Variants in SLC45A4 observed in about 807,000 individuals in gnomAD.
SLC45A4 encodes the protein polyamine-transporter SLC45A4.
SLC45A4 carries 32 observed loss-of-function variants against 63.7 expected under a neutral mutation model. The ratio of observed to expected loss-of-function variants is 0.50; its 90% CI spans 0.38 to 0.67. The LOEUF (loss-of-function observed/expected upper bound fraction) is 0.67. Among genes scored for constraint, SLC45A4 ranks in the 30% least tolerant of loss-of-function variants. The pLI is 0.00. For missense variants in SLC45A4, 1,027 were observed against 1,157.7 expected, an observed-to-expected ratio of 0.89 and a Z score of 1.64; for synonymous variants, 535 against 510.0, an observed-to-expected ratio of 1.05 and a Z score of -0.66.
intron 1 of SLC45A4, among the ~76,000 whole-genome samples, chr8:141,276,308 A>G (rs889348670): frequency 3.3e-5 from 5 of 152,232 alleles, no homozygotes; most frequent in Non-Finnish European, 5.9e-5. Context: ...TATGACATTC[A>G]GGAGTGTTTT....
intron 2 of SLC45A4, among the ~76,000 whole-genome samples, chr8:141,250,308 T>C (rs1010009493): frequency 6.6e-6 from 1 of 152,202 alleles, no homozygotes; most frequent in Admixed American, 6.5e-5. Context: ...TTGAGTACAG[T>C]ATTCAATAAA....
At chr8:141,260,940 C>A (rs944978841) in intron 1 of SLC45A4, among the ~76,000 whole-genome samples, 3 of 152,174 alleles carry the variant, frequency 2.0e-5, no homozygotes, top group Admixed American at 6.5e-5. Context: ...AATTTTAGAC[C>A]AATATCCTTG....
In SLC45A4 at chr8:141,303,449, T is replaced by G. The variant is rs556511375; in HGVS notation, c.-401+4647A>C. ...GCCTCTGTGCCCAGCCTGAGTGATTTCCTAAAATTGTGCAATAAGGGTCAT... is the reference window on the plus strand; with the variant it reads ...GCCTCTGTGCCCAGCCTGAGTGATTGCCTAAAATTGTGCAATAAGGGTCAT... On this transcript the variant is annotated intron_variant, in intron 1 of 8. Transcript: ENST00000517878. 1.3e-4 allele frequency among the ~76,000 whole-genome samples: 20 copies of G among 152,098 alleles called. No homozygotes were observed. The South Asian group carries it at 3.1e-3, about 24-fold the overall frequency.
Position 141,252,411 on chromosome 8 carries a change from G to A in SLC45A4, c.241+1578C>T, listed in dbSNP as rs138591744. ...CCCACCTGCGCGTCTGTGAATTTCCGTGTTTTCACGCCCACCTGCGTGTCT... is the reference window on the plus strand; with the variant it reads ...CCCACCTGCGCGTCTGTGAATTTCCATGTTTTCACGCCCACCTGCGTGTCT... On this transcript the variant is annotated intron_variant, in intron 2 of 8. Coordinates refer to ENST00000517878, the MANE Select transcript of SLC45A4 (RefSeq NM_001286646.2). The A allele has an allele frequency of 4.8e-3, 763 of 160,156 alleles. 5 individuals carry two copies. The highest frequency in any genetic ancestry group is 0.017 in the African/African-American group (699 of 41,288). The allele number at this position is 160,156 out of a possible 1,614,324, so 9.9% of individuals were successfully genotyped here.
chr8:141,212,200 G>T lies in SLC45A4; in HGVS notation c.2298C>A (p.Ser766=). Residue 766 remains serine (S), a synonymous_variant, in exon 8 of 9, where the codon TCC becomes TCA. Transcript: ENST00000517878. ...TAAACGGGAGTGCGGCTCAGACCAC[G>T]GACTCTGTCTCCACCGGTCCCTGCA... ...EGLQGPVETE[S]VTPAGIDVCQ... 1.5e-6 allele frequency: 2 copies of T among 1,324,218 alleles called. No homozygotes were observed. The highest frequency in any genetic ancestry group is 3.3e-4 in the Middle Eastern group (1 of 3,044). The allele number at this position is 1,324,218 out of a possible 1,614,324, so 82.0% of individuals were successfully genotyped here.
chr8:141,296,334 C>T (rs1187305149), intron 1 of SLC45A4, among the ~76,000 whole-genome samples: 2 of 151,172 alleles, frequency 1.3e-5, no homozygotes, highest in Non-Finnish European at 2.9e-5. Context: ...GACCCTGTTT[C>T]AAAAAACAGT....
At chr8:141,304,268 T>TACACACACAC (rs59200665) in intron 1 of SLC45A4, among the ~76,000 whole-genome samples, 24 of 151,022 alleles carry the variant, frequency 1.6e-4, no homozygotes, top group East Asian at 7.9e-4. Flanking sequence ...GACTCTTAAA[T>TACACACACAC]ACACACACAC....
chr8:141,264,951 G>A (rs1023081319), intron 1 of SLC45A4, among the ~76,000 whole-genome samples: 1 of 152,130 alleles, frequency 6.6e-6, no homozygotes, highest in Admixed American at 6.5e-5. Context: ...TGCTGGAAAG[G>A]CCCCTGTGTT....
chr8:141,254,404 GTA>G lies in SLC45A4; in HGVS notation c.-177_-176del, dbSNP rs1828670300. On this transcript the variant is annotated 5_prime_UTR_variant, in exon 2 of 9. It introduces an in-frame stop codon into an upstream open reading frame of the 5' UTR. Transcript: ENST00000517878. The surrounding 1 kb of genome is among the most constrained non-coding windows in gnomAD (Gnocchi z 4.5). Reference sequence around the variant, plus strand: ...GGCTATCTCACAACTTCTCACAACGGTATGAGACATGCAGCAACACAGAACGA... The same window carrying G: ...GGCTATCTCACAACTTCTCACAACGGTGAGACATGCAGCAACACAGAACGA... 1 of 739,762 alleles carries G rather than the reference GTA, an allele frequency of 1.4e-6. No homozygotes were observed. The highest frequency in any genetic ancestry group is 1.8e-5 in the South Asian group (1 of 55,856). 45.8% of individuals were successfully genotyped at this position (739,762 alleles called of 1,614,324 possible). A position where few individuals can be genotyped will look rare whatever the true frequency, so the allele number is the denominator to read the frequency against.
At chr8:141,237,429 C>T (rs1827685856) in intron 2 of SLC45A4, among the ~76,000 whole-genome samples, 1 of 152,182 alleles carries the variant, frequency 6.6e-6, no homozygotes, top group Admixed American at 6.5e-5. Context: ...CCCCTAGTGA[C>T]CCCTTGCAAC....
At chr8:141,273,595 C>T (rs556395525) in intron 1 of SLC45A4, among the ~76,000 whole-genome samples, 4 of 152,214 alleles carry the variant, frequency 2.6e-5, no homozygotes, top group African/African-American at 7.2e-5. Flanking sequence ...GAAGCAGAAA[C>T]CCTCACATCA....
chr8:141,211,826 CTTA>C (rs1569557800), intron 8 of SLC45A4, 129 bp from the exon 9 acceptor site: 2 of 1,311,636 alleles, frequency 1.5e-6, no homozygotes, highest in African/African-American at 1.5e-5. Flanking sequence ...AATGCAAAAT[CTTA>C]TTTTTTCTAA....
rs1199836115 is a variant in SLC45A4 at position 141,275,619 on chromosome 8, A to AAAC, written c.-400-20993_-400-20991dup. Among the ~76,000 whole-genome samples, 148 of 152,078 alleles carry AAAC rather than the reference A, an allele frequency of 9.7e-4. 3 individuals are homozygous for AAAC. Among genetic ancestry groups the AAAC allele is most frequent in the Non-Finnish European group, 1.8e-4 (12 of 68,006 alleles). ...GTGAGACCCCTGTCTCAAAAAAAAA[A>AAAC]AACAACAACAACCATGAAACACTAC... On this transcript the variant is annotated intron_variant, in intron 1 of 8. Coordinates refer to ENST00000517878, the MANE Select transcript of SLC45A4 (RefSeq NM_001286646.2).
In SLC45A4 at chr8:141,252,859, G is replaced by A. The variant is rs374301843; in HGVS notation, c.241+1130C>T. 2.6e-5 allele frequency among the ~76,000 whole-genome samples: 4 copies of A among 151,138 alleles called. No homozygotes were observed. The East Asian group carries it at 5.9e-4, about 22-fold the overall frequency. Reference sequence around the variant, plus strand: ...TCCGTGTTTTCATGCCCACCTGCCCGTGTCTGTGAATTTCTGTTTTCATAT... The same window carrying A: ...TCCGTGTTTTCATGCCCACCTGCCCATGTCTGTGAATTTCTGTTTTCATAT... On this transcript the variant is annotated intron_variant, in intron 2 of 8. Transcript: ENST00000517878.
At chr8:141,274,151 C>T (rs1829642172) in intron 1 of SLC45A4, among the ~76,000 whole-genome samples, 1 of 151,936 alleles carries the variant, frequency 6.6e-6, no homozygotes, top group African/African-American at 2.4e-5. Flanking sequence ...ATGGCGTGAA[C>T]CTGGGAGACA....
intron 1 of SLC45A4, among the ~76,000 whole-genome samples, chr8:141,282,793 G>T (rs189940247): frequency 1.3e-5 from 2 of 152,256 alleles, no homozygotes; most frequent in Non-Finnish European, 2.9e-5. Context: ...ACAGGCAGCT[G>T]CAAGTCCGTG....
chr8:141,261,524 G>A (rs1829037229), intron 1 of SLC45A4, among the ~76,000 whole-genome samples: 1 of 152,146 alleles, frequency 6.6e-6, no homozygotes, highest in Non-Finnish European at 1.5e-5. Flanking sequence ...CTTCAGCAAA[G>A]TCTCAGGATA....
intron 1 of SLC45A4, among the ~76,000 whole-genome samples, chr8:141,283,552 C>T (rs920890687): frequency 6.6e-6 from 1 of 152,226 alleles, no homozygotes; most frequent in Non-Finnish European, 1.5e-5. Flanking sequence ...GTGTCACCCC[C>T]GCCTACGCTT....
chr8:141,207,854 A>T lies in SLC45A4; in HGVS notation c.*3718T>A, dbSNP rs1319005470. ...ACAAGAACTTTGGGCTGGGCCCCCAACATGCTGTGTGCACGGGCCTTGTTC... is the reference window on the plus strand; with the variant it reads ...ACAAGAACTTTGGGCTGGGCCCCCATCATGCTGTGTGCACGGGCCTTGTTC... On this transcript the variant is annotated 3_prime_UTR_variant, in exon 9 of 9. Transcript: ENST00000517878. The T allele has an allele frequency of 6.6e-6, 1 of 152,344 alleles. No homozygotes were observed. The highest frequency in any genetic ancestry group is 1.5e-5 in the Non-Finnish European group (1 of 68,140). 9.4% of individuals were successfully genotyped at this position (152,344 alleles called of 1,614,324 possible).
Sources: gnomAD v4.1 joint callset for allele counts (sites outside exome capture counted in the v4.1 genomes callset) on GRCh38, gnomAD v4.1.1 for gene constraint, Gnocchi (gnomAD v3.1) non-coding constraint, MANE v1.5 for transcripts, NCBI Gene and HGNC (gene_info 2026-07-23, HGNC 2026-07-21) for gene names.